Variants in PTPRD observed in about 807,000 individuals in gnomAD.
The protein encoded by PTPRD is receptor-type tyrosine-protein phosphatase delta.
In PTPRD, 34 loss-of-function variants were observed where a neutral mutation model predicts 214.5. That is an observed-to-expected ratio of 0.16 (90% CI 0.12 to 0.21). PTPRD has a LOEUF of 0.21. PTPRD is among the 10% of genes least tolerant of loss of function. The pLI is 1.00. For synonymous variants in PTPRD, 1,128 were observed against 845.7 expected (o/e 1.33, Z -5.79); for missense variants, 2,545 against 2,398.7 (o/e 1.06, Z -1.27).
chr9:10,318,401 G>A (rs1156336291), intron 3 of PTPRD, among the ~76,000 whole-genome samples: 1 of 151,898 alleles, frequency 6.6e-6, no homozygotes, highest in African/African-American at 2.4e-5. Flanking sequence ...CTCCAGGTGT[G>A]GAATCAGGGT....
intron 11 of PTPRD, among the ~76,000 whole-genome samples, chr9:8,929,891 A>ATATATGTG (rs1188221114): frequency 1.3e-5 from 1 of 79,348 alleles, no homozygotes; most frequent in African/African-American, 4.5e-5. Flanking sequence ...ATGTGTGTGT[A>ATATATGTG]TATATATGTG....
At chr9:9,245,752 T>C (rs1484524131) in intron 9 of PTPRD, among the ~76,000 whole-genome samples, 1 of 152,180 alleles carries the variant, frequency 6.6e-6, no homozygotes, top group Non-Finnish European at 1.5e-5. Flanking sequence ...ACATGTACCC[T>C]AAAACTAAAT....
chr9:10,529,334 G>T (rs535960364), intron 2 of PTPRD, among the ~76,000 whole-genome samples: 21 of 152,182 alleles, frequency 1.4e-4, no homozygotes, highest in African/African-American at 2.9e-4. Flanking sequence ...GCCCATCAAG[G>T]TTAGACTGGA....
intron 3 of PTPRD, among the ~76,000 whole-genome samples, chr9:10,101,101 A>G (rs2098547469): frequency 1.3e-5 from 2 of 151,562 alleles, no homozygotes; most frequent in Admixed American, 6.6e-5. Flanking sequence ...TTTTACATTC[A>G]GATGGGACTG....
chr9:8,554,339 CTCA>C (rs1394287671), intron 14 of PTPRD, among the ~76,000 whole-genome samples: 13 of 152,014 alleles, frequency 8.6e-5, no homozygotes, highest in Non-Finnish European at 1.5e-4. Context: ...AATGATTATT[CTCA>C]TGTTTTGATA....
intron 44 of PTPRD, among the ~76,000 whole-genome samples, chr9:8,328,713 G>A (rs1836555959): frequency 6.6e-6 from 1 of 151,794 alleles, no homozygotes; most frequent in South Asian, 2.1e-4. Context: ...ATTTCTCGGA[G>A]GCTTTGTTCA....
At chr9:9,468,452 G>T (rs950419663) in intron 8 of PTPRD, among the ~76,000 whole-genome samples, 1 of 151,904 alleles carries the variant, frequency 6.6e-6, no homozygotes, top group African/African-American at 2.4e-5. Flanking sequence ...TGTGTGTGTT[G>T]TTTCCTGTCT....
intron 3 of PTPRD, among the ~76,000 whole-genome samples, chr9:10,239,496 T>C (rs2099639935): frequency 6.6e-6 from 1 of 151,912 alleles, no homozygotes; most frequent in African/African-American, 2.4e-5. Context: ...AAGTGGGGGA[T>C]TTGTACTAAT....
At chr9:8,801,247 G>A (rs2096564936) in intron 11 of PTPRD, among the ~76,000 whole-genome samples, 1 of 152,094 alleles carries the variant, frequency 6.6e-6, no homozygotes, top group Non-Finnish European at 1.5e-5. Context: ...GTAATTACTG[G>A]TTCTCAAATC....
chr9:9,372,323 G>A (rs952525141), intron 9 of PTPRD, among the ~76,000 whole-genome samples: 9 of 151,998 alleles, frequency 5.9e-5, no homozygotes, highest in East Asian at 1.9e-4. Context: ...TATATTTAGG[G>A]TAGTTAGCTC....
At chr9:9,230,288 C>A (rs1019798435) in intron 9 of PTPRD, among the ~76,000 whole-genome samples, 1 of 152,082 alleles carries the variant, frequency 6.6e-6, no homozygotes, top group African/African-American at 2.4e-5. Context: ...ATTAGGCTAA[C>A]TAAAATCTCT....
intron 3 of PTPRD, among the ~76,000 whole-genome samples, chr9:10,153,402 A>G (rs922787283): frequency 6.6e-6 from 1 of 151,386 alleles, no homozygotes; most frequent in African/African-American, 2.4e-5. Context: ...TTGTTTCTAA[A>G]AATTATTTGC....
intron 5 of PTPRD, among the ~76,000 whole-genome samples, chr9:9,842,311 T>TTTA (rs893354419): frequency 1.4e-5 from 2 of 145,894 alleles, no homozygotes; most frequent in Non-Finnish European, 3.0e-5. Flanking sequence ...TTTTTTTTTT[T>TTTA]TTTTTTTTTT....
At chr9:9,872,249 A>G (rs955568296) in intron 5 of PTPRD, among the ~76,000 whole-genome samples, 6 of 152,194 alleles carry the variant, frequency 3.9e-5, no homozygotes, top group Non-Finnish European at 7.3e-5. Context: ...ATTGAATTCC[A>G]GCCAGAATAT....
chr9:8,565,032 C>T (rs1025596028), intron 14 of PTPRD, among the ~76,000 whole-genome samples: 3 of 152,108 alleles, frequency 2.0e-5, no homozygotes, highest in Non-Finnish European at 4.4e-5. Context: ...AAAATGCCCT[C>T]AAATGAAAGT....
intron 2 of PTPRD, among the ~76,000 whole-genome samples, chr9:10,396,352 G>A (rs564794604): frequency 6.6e-6 from 1 of 151,938 alleles, no homozygotes; most frequent in Non-Finnish European, 1.5e-5. Context: ...GGTAGCCTGC[G>A]GGAGCTGGCT....
At chr9:8,830,083 T>C (rs1225033593) in intron 11 of PTPRD, among the ~76,000 whole-genome samples, 2 of 152,190 alleles carry the variant, frequency 1.3e-5, no homozygotes, top group Non-Finnish European at 2.9e-5. Context: ...TCTAGTCTCC[T>C]TACATTTATT....
At chr9:9,520,628 G>C (rs1258956111) in intron 8 of PTPRD, among the ~76,000 whole-genome samples, 2 of 152,184 alleles carry the variant, frequency 1.3e-5, no homozygotes, top group African/African-American at 4.8e-5. Flanking sequence ...TCAACAAACA[G>C]TTATCGAGAT....
chr9:9,244,240 C>T (rs1362160130), intron 9 of PTPRD, among the ~76,000 whole-genome samples: 1 of 151,980 alleles, frequency 6.6e-6, no homozygotes, highest in Admixed American at 6.6e-5. Flanking sequence ...CAATGCCATC[C>T]CCATCTAGCT....
Sources: allele counts gnomAD v4.1 joint callset (sites outside exome capture counted in the v4.1 genomes callset), GRCh38; gene constraint gnomAD v4.1.1; transcripts MANE v1.5; gene names NCBI Gene and HGNC (gene_info 2026-07-23, HGNC 2026-07-21).